Variants in DSE observed in about 807,000 individuals in gnomAD.
DSE encodes dermatan-sulfate epimerase.
Under a neutral mutation model 84.4 loss-of-function variants are expected in DSE, and 36 were observed. The observed-to-expected ratio is 0.43, with a 90% CI of 0.33 to 0.56. DSE has a LOEUF of 0.56. DSE is among the 20% of genes least tolerant of loss of function. The pLI, the probability that DSE is intolerant of heterozygous loss-of-function variation, is 0.06. For synonymous variants in DSE, 410 were observed against 430.1 expected (o/e 0.95, Z 0.58); for missense variants, 862 against 1,169.6 (o/e 0.74, Z 3.84).
chr6:116,295,325 A>G (rs1774592967), intron 2 of DSE, among the ~76,000 whole-genome samples: 1 of 152,146 alleles, frequency 6.6e-6, no homozygotes, highest in East Asian at 1.9e-4. Flanking sequence ...CTTGGCTTAT[A>G]TTTGAAGGAC....
rs777514864 is a variant in DSE at position 116,436,413 on chromosome 6, G to A, written c.1945G>A (p.Val649Ile). Residue 649 changes from valine to isoleucine, a missense_variant, in exon 6 of 6, where the codon GTC becomes ATC. Physicochemically the swap from Val to Ile is conservative, Grantham distance 29. Around this residue, in one of 4 missense-constraint regions of DSE, gnomAD observed 186 missense variants for 255.1 expected, o/e 0.73. Transcript: ENST00000644252. ...YPYNGTNYVN[V>I]TMHLRSPITR... ...CTACAATGGGACAAACTATGTGAAT[G>A]TCACCATGCACCTCCGAAGTCCCAT... 1 of 1,614,018 alleles carries A rather than the reference G, an allele frequency of 6.2e-7. No individual in the cohort carries two copies. The highest frequency in any genetic ancestry group is 8.5e-7 in the Non-Finnish European group (1 of 1,180,028).
intron 1 of DSE, among the ~76,000 whole-genome samples, chr6:116,381,164 T>A (rs1472312289): frequency 6.6e-6 from 1 of 152,148 alleles, no homozygotes; most frequent in African/African-American, 2.4e-5. Context: ...TGGATGGAGT[T>A]GCCAAGAAGG....
chr6:116,405,245 A>G (rs1344145308), intron 2 of DSE, among the ~76,000 whole-genome samples: 1 of 152,010 alleles, frequency 6.6e-6, no homozygotes, highest in Non-Finnish European at 1.5e-5. Flanking sequence ...CGGGTTTTTC[A>G]CTTCTCAAAA....
intron 1 of DSE, among the ~76,000 whole-genome samples, chr6:116,397,180 G>A (rs540253711): frequency 6.9e-6 from 1 of 145,316 alleles, no homozygotes; most frequent in African/African-American, 2.5e-5. Flanking sequence ...TTTTTTAATC[G>A]TTAGCGGTAT....
chr6:116,278,667 C>T (rs1207567959), intron 2 of DSE: 9 of 1,614,120 alleles, frequency 5.6e-6, no homozygotes, highest in Non-Finnish European at 6.8e-6. Context: ...TTTTGTCGGA[C>T]TCTGGAAGGC....
At chr6:116,348,255 G>A (rs370688792) in intron 2 of DSE, among the ~76,000 whole-genome samples, 40 of 152,116 alleles carry the variant, frequency 2.6e-4, no homozygotes, top group East Asian at 7.7e-4. Flanking sequence ...GTGAAACCCC[G>A]TGTCTACTAA....
intron 2 of DSE, among the ~76,000 whole-genome samples, chr6:116,312,612 T>C (rs552167027): frequency 3.3e-5 from 5 of 152,266 alleles, no homozygotes; most frequent in Admixed American, 6.5e-5. Flanking sequence ...GCTCTGGAAA[T>C]AGGAACTGGA....
exon 1 of DSE, chr6:116,254,231 A>G (rs912829545): frequency 4.2e-6 from 3 of 707,542 alleles, no homozygotes; most frequent in Non-Finnish European, 7.7e-6. Flanking sequence ...TGTCACAAAA[A>G]GAATTTCGTC....
chr6:116,331,211 T>C (rs1321074758), intron 2 of DSE, among the ~76,000 whole-genome samples: 2 of 152,194 alleles, frequency 1.3e-5, no homozygotes, highest in Admixed American at 6.5e-5. Flanking sequence ...AGGAATAAGA[T>C]AATAGTTGTA....
chr6:116,425,684 G>A (rs1473994762), intron 2 of DSE, among the ~76,000 whole-genome samples: 3 of 146,746 alleles, frequency 2.0e-5, no homozygotes, highest in South Asian at 2.1e-4. Context: ...GTGCAGTGGC[G>A]CGATCTCGGC....
chr6:116,329,969 G>T (rs1037292550), intron 2 of DSE, among the ~76,000 whole-genome samples: 2 of 152,072 alleles, frequency 1.3e-5, no homozygotes, highest in Admixed American at 1.3e-4. Flanking sequence ...GATTACAGGC[G>T]CCTACCATCA....
chr6:116,355,723 C>G (rs1341168942), intron 2 of DSE: 1 of 152,190 alleles, frequency 6.6e-6, no homozygotes, highest in Non-Finnish European at 1.5e-5. Flanking sequence ...TGTGAGCAAC[C>G]AGTCTACAAT....
In DSE at chr6:116,326,625, T is replaced by A. The variant is rs576249469; in HGVS notation, c.-54+67658T>A. On this transcript the variant is annotated intron_variant, in intron 2 of 3. Coordinates refer to the DSE transcript ENST00000430252. ...ACTACAGTCCTACACTGTGTCTCTC[T>A]TGCTTGGCCGAGAAAACTGTTAGGT... Among the ~76,000 whole-genome samples, 5 of 152,324 alleles carry A rather than the reference T, an allele frequency of 3.3e-5. No homozygotes were observed. In the South Asian group the frequency reaches 1.0e-3, roughly 32 times the overall value.
At chr6:116,426,886 T>C (rs977047010) in intron 3 of DSE, 59 bp downstream of exon 3, 3 of 1,551,860 alleles carry the variant, frequency 1.9e-6, no homozygotes, top group African/African-American at 2.7e-5. Context: ...GTTGCCATGT[T>C]GTGAGCAAAG....
rs1037038854 is a variant in DSE, at chr6:116,278,851, C to T, written c.-54+19884C>T. On this transcript the variant is annotated intron_variant, in intron 2 of 3. Transcript: ENST00000430252. ...CAGCTTGTTTCTGAAGTAGGGGTTT[C>T]TTCTAAAGAAGAACTTGAACTTGCA... is the stretch of plus-strand genomic sequence containing the variant. 7 of 1,614,038 alleles carry T rather than the reference C, an allele frequency of 4.3e-6. No individual in the cohort carries two copies. The African/African-American group carries it at 8.0e-5, about 18-fold the overall frequency.
intron 2 of DSE, among the ~76,000 whole-genome samples, chr6:116,336,101 A>G (rs982378642): frequency 2.0e-5 from 3 of 152,236 alleles, no homozygotes; most frequent in Non-Finnish European, 2.9e-5. Context: ...TTGTAGTCAG[A>G]TATCAACTCC....
chr6:116,258,829 G>A (rs1772271566), exon 2 of DSE: 1 of 1,608,404 alleles, frequency 6.2e-7, no homozygotes, highest in Non-Finnish European at 8.5e-7. Flanking sequence ...GACCTCGAAG[G>A]CATGCTTGAC....
rs539099959 is a variant in DSE at position 116,417,663 on chromosome 6, A to G, written c.417-8911A>G. Among the ~76,000 whole-genome samples the G allele has an allele frequency of 5.3e-5, 8 of 152,272 alleles. No individual in the cohort carries two copies. In the South Asian group the frequency reaches 1.7e-3, roughly 32 times the overall value. On this transcript the variant is annotated intron_variant, in intron 2 of 5. Coordinates refer to ENST00000644252, the MANE Select transcript of DSE (RefSeq NM_013352.4). ...ATATAGAAATATAGATTGTAAGAGG[A>G]AATAGTTTTTTACATTTCAGAGCTA...
chr6:116,414,441 T>C (rs1782570953), intron 2 of DSE, among the ~76,000 whole-genome samples: 1 of 152,036 alleles, frequency 6.6e-6, no homozygotes, highest in African/African-American at 2.4e-5. Flanking sequence ...AGGTGGAGTT[T>C]CGCTCTTGTT....
Sources: allele counts gnomAD v4.1 joint callset (sites outside exome capture counted in the v4.1 genomes callset), GRCh38; gene constraint gnomAD v4.1.1; regional missense constraint gnomAD v4.1.1; transcripts MANE v1.5; gene names NCBI Gene and HGNC (gene_info 2026-07-23, HGNC 2026-07-21).